Variants in TAF2 observed in about 807,000 individuals in gnomAD.
TAF2 encodes the protein TATA-box binding protein associated factor 2, also known as transcription initiation factor TFIID subunit 2.
In TAF2, 61 loss-of-function variants were observed where a neutral mutation model predicts 138.5. The ratio of observed to expected loss-of-function variants is 0.44; its 90% CI spans 0.36 to 0.54. TAF2 has a LOEUF of 0.54. TAF2 is among the 20% of genes least tolerant of loss of function. The pLI is 0.00. For synonymous variants in TAF2, 475 were observed against 469.9 expected, an observed-to-expected ratio of 1.01 and a Z score of -0.14; for missense variants, 1,090 against 1,427.9, an observed-to-expected ratio of 0.76 and a Z score of 3.81.
At chr8:119,746,114 G>A (rs1039265134) in intron 23 of TAF2, among the ~76,000 whole-genome samples, 2 of 152,114 alleles carry the variant, frequency 1.3e-5, no homozygotes, top group Admixed American at 1.3e-4. Context: ...GCTCACGCCT[G>A]TAATCCTAGC....
intron 24 of TAF2, 82 bp from the exon 25 acceptor site, chr8:119,742,738 A>C: frequency 6.5e-7 from 1 of 1,543,936 alleles, no homozygotes; most frequent in Non-Finnish European, 8.8e-7. Context: ...GGTTTTTATA[A>C]GCTAGCCTTA....
In TAF2 at chr8:119,807,142, T is replaced by C. The variant is rs376318918; in HGVS notation, c.300-741A>G. On this transcript the variant is annotated intron_variant, in intron 3 of 25. Coordinates refer to ENST00000378164, the MANE Select transcript of TAF2 (RefSeq NM_003184.4). ...TAAAACAAATCAGGATGGGACTCAG[T>C]TCCTCAAAATGTAATAGCACCTACC... is the stretch of plus-strand genomic sequence containing the variant. 3.9e-5 allele frequency among the ~76,000 whole-genome samples: 6 copies of C among 152,328 alleles called. No homozygotes were observed. In the South Asian group the frequency reaches 1.2e-3, roughly 32 times the overall value.
chr8:119,746,951 A>G lies in TAF2; in HGVS notation c.2879-17T>C. Reference sequence around the variant, plus strand: ...GTGAAGTACCTAAAAAGTAAGTAATAAAGAAATGAGTCAATATGCACATTG... The same window carrying G: ...GTGAAGTACCTAAAAAGTAAGTAATGAAGAAATGAGTCAATATGCACATTG... On this transcript the variant is annotated splice_polypyrimidine_tract_variant and intron_variant, in intron 22 of 25. Transcript: ENST00000378164. The G allele has an allele frequency of 6.2e-7, 1 of 1,612,004 alleles. No homozygotes were observed. The highest frequency in any genetic ancestry group is 8.5e-7 in the Non-Finnish European group (1 of 1,178,266).
At chr8:119,789,998 G>C (rs1425432689) in intron 11 of TAF2, among the ~76,000 whole-genome samples, 1 of 151,908 alleles carries the variant, frequency 6.6e-6, no homozygotes, top group African/African-American at 2.4e-5. Flanking sequence ...AAGAATTATA[G>C]TAAGAATAAT....
At position 119,832,796 on chromosome 8, in the gene TAF2, C is replaced by T. The variant is rs958836903; in HGVS notation, c.-232G>A. 51 of 490,866 alleles carry T rather than the reference C, an allele frequency of 1.0e-4. No homozygotes were observed. The highest frequency in any genetic ancestry group is 1.7e-4 in the Non-Finnish European group (47 of 276,064). 30.4% of individuals were successfully genotyped at this position (490,866 alleles called of 1,614,324 possible). ...TCTGTCACAGAGATGCTCCTCTCCG[C>T]AAGGGCTCGAAGCTACCATCCGCCG... On this transcript the variant is annotated 5_prime_UTR_variant, in exon 1 of 26. Coordinates refer to ENST00000378164, the MANE Select transcript of TAF2 (RefSeq NM_003184.4).
chr8:119,746,627 A>G (rs1170433166), intron 23 of TAF2, 78 bp downstream of exon 23: 3 of 1,437,634 alleles, frequency 2.1e-6, no homozygotes, highest in Non-Finnish European at 2.9e-6. Flanking sequence ...AAAATTCACT[A>G]GTTCACAGGA....
chr8:119,742,507 ATAT>A (rs1320432283), intron 25 of TAF2, 24 bp downstream of exon 25: 1 of 1,609,770 alleles, frequency 6.2e-7, no homozygotes, highest in Admixed American at 1.7e-5. Flanking sequence ...GAACAAAATA[ATAT>A]TAATTCTGAT....
chr8:119,766,727 G>A (rs774419399), intron 18 of TAF2, among the ~76,000 whole-genome samples: 1 of 152,066 alleles, frequency 6.6e-6, no homozygotes, highest in Non-Finnish European at 1.5e-5. Flanking sequence ...CCAGCTACTC[G>A]GGAAGTTGAG....
At chr8:119,743,084 A>G (rs1348982939) in intron 24 of TAF2, among the ~76,000 whole-genome samples, 3 of 152,154 alleles carry the variant, frequency 2.0e-5, no homozygotes, top group Middle Eastern at 3.4e-3. Flanking sequence ...AAAAATTTAA[A>G]AAAACCCCAA....
rs1822373540 is a variant in TAF2 at position 119,777,963 on chromosome 8, TAAGA to T, written c.2364+52_2364+55del. On this transcript the variant is annotated intron_variant, in intron 18 of 25. Coordinates refer to ENST00000378164, the MANE Select transcript of TAF2 (RefSeq NM_003184.4). ...CATTGGGTAGTTCTGTAATATTCAT[TAAGA>T]AAATTATCTAAGACAACTGTTGTAG... is the stretch of plus-strand genomic sequence containing the variant. The T allele has an allele frequency of 3.2e-6, 3 of 934,336 alleles. No individual in the cohort carries two copies. The East Asian group carries it at 7.6e-5, about 24-fold the overall frequency. The allele number at this position is 934,336 out of a possible 1,614,324, so 57.9% of individuals were successfully genotyped here. A position where few individuals can be genotyped will look rare whatever the true frequency, so the allele number is the denominator to read the frequency against.
intron 15 of TAF2, among the ~76,000 whole-genome samples, chr8:119,784,947 A>T (rs973441887): frequency 2.0e-5 from 3 of 152,202 alleles, no homozygotes; most frequent in African/African-American, 7.2e-5. Flanking sequence ...GAAGCTGCCT[A>T]GTCAAAGTTG....
intron 25 of TAF2, among the ~76,000 whole-genome samples, chr8:119,735,444 T>C (rs10505373): frequency 0.16 from 24,834 of 152,156 alleles, 3,554 homozygotes; most frequent in African/African-American, 0.39. Flanking sequence ...CAAAAACTAT[T>C]ATAGCTCATC....
Position 119,765,298 on chromosome 8 carries a change from GAA to G in TAF2, c.2365-2692_2365-2691del, listed in dbSNP as rs557882368. On this transcript the variant is annotated intron_variant, in intron 18 of 25. Coordinates refer to ENST00000378164, the MANE Select transcript of TAF2 (RefSeq NM_003184.4). Reference sequence around the variant, plus strand: ...AACTATTTTATTTGCAAGCAAAACAGAAAAAAGAGTAAGAAGACAGGAAAAGT... The same window carrying G: ...AACTATTTTATTTGCAAGCAAAACAGAAAAGAGTAAGAAGACAGGAAAAGT... 2.7e-3 allele frequency among the ~76,000 whole-genome samples: 410 copies of G among 151,928 alleles called. 8 individuals carry two copies. The highest frequency in any genetic ancestry group is 1.8e-3 in the Non-Finnish European group (119 of 67,944).
At chr8:119,785,086 T>C in intron 15 of TAF2, 115 bp downstream of exon 15, 2 of 754,966 alleles carry the variant, frequency 2.6e-6, no homozygotes, top group Non-Finnish European at 2.2e-6. Flanking sequence ...TAAATTAAAA[T>C]AATGTTAAAG....
intron 20 of TAF2, chr8:119,760,344 C>T (rs999325260): frequency 5.6e-6 from 2 of 356,424 alleles, no homozygotes; most frequent in South Asian, 3.7e-5. Context: ...CCTAAAATAA[C>T]GTCCAATTAA....
chr8:119,761,356 G>A (rs1821049974), intron 19 of TAF2, among the ~76,000 whole-genome samples: 1 of 152,138 alleles, frequency 6.6e-6, no homozygotes, highest in Non-Finnish European at 1.5e-5. Flanking sequence ...CATCTAGTTT[G>A]TGTAAATATA....
At chr8:119,818,865 T>C (rs957948712) in intron 3 of TAF2, among the ~76,000 whole-genome samples, 1 of 152,154 alleles carries the variant, frequency 6.6e-6, no homozygotes, top group African/African-American at 2.4e-5. Context: ...TCAATAGATG[T>C]AGTATTTATC....
chr8:119,782,156 T>C (rs188962530), intron 16 of TAF2, among the ~76,000 whole-genome samples: 3 of 152,164 alleles, frequency 2.0e-5, no homozygotes, highest in African/African-American at 7.2e-5. Flanking sequence ...GACAGAAACA[T>C]CATCATGAAT....
chr8:119,732,036 T>C lies in TAF2; in HGVS notation c.3488A>G (p.His1163Arg). The C allele has an allele frequency of 6.2e-6, 10 of 1,614,224 alleles. No homozygotes were observed. Among genetic ancestry groups the C allele is most frequent in the East Asian group, 4.5e-5 (2 of 44,878 alleles). The stretch of plus-strand genomic sequence containing the variant: ...ATGCTTATGCTTGTGTTTGTGCTTA[T>C]GTTTATGCTTCTTCTTCTTTTTCTT... ...EHKKKKKKHK[H>R]KHKHKHKHDS... Residue 1163 changes from histidine (H) to arginine (R), a missense_variant, in exon 26 of 26, where the codon CAT (histidine) becomes CGT (arginine). Around this residue, in one of 3 missense-constraint regions of TAF2, gnomAD observed 580 missense variants for 719.6 expected, o/e 0.81. Coordinates refer to ENST00000378164, the MANE Select transcript of TAF2 (RefSeq NM_003184.4).
Sources: gnomAD v4.1 joint callset for allele counts (sites outside exome capture counted in the v4.1 genomes callset) on GRCh38, gnomAD v4.1.1 for gene constraint, gnomAD v4.1.1 regional missense constraint, MANE v1.5 for transcripts, NCBI Gene and HGNC (gene_info 2026-07-23, HGNC 2026-07-21) for gene names.